The following ANXA8 variants were observed in gnomAD, a reference collection of about 807,000 sequenced individuals.
ANXA8 encodes the protein annexin A8, also known as VAC-beta.
Under a neutral mutation model 26.8 loss-of-function variants are expected in ANXA8, and 9 were observed. The observed-to-expected ratio is 0.34, with a 90% CI of 0.20 to 0.59. The LOEUF (loss-of-function observed/expected upper bound fraction) is 0.59. ANXA8 is among the 20% of genes least tolerant of loss of function. The pLI, the probability that ANXA8 is intolerant of heterozygous loss-of-function variation, is 0.84. For synonymous variants in ANXA8, 39 were observed against 94.8 expected (o/e 0.41, Z 3.42); for missense variants, 83 against 238.5 (o/e 0.35, Z 4.29).
At chr10:47,490,190 T>C in the ANXA8 span, 1 of 179,120 alleles carries the variant, frequency 5.6e-6, no homozygotes, top group Non-Finnish European at 1.2e-5. Flanking sequence ...AAAACGGAAT[T>C]CTCTGCCTAC....
chr10:47,743,359 T>TATATATACAC, the ANXA8 span, among the ~76,000 whole-genome samples: 76 of 40,532 alleles, frequency 1.9e-3, 5 homozygotes, highest in African/African-American at 4.1e-3. Context: ...TATATACACA[T>TATATATACAC]ATATATATAT....
the ANXA8 span, chr10:47,753,199 G>C: frequency 1.1e-6 from 1 of 925,474 alleles, no homozygotes; most frequent in Non-Finnish European, 1.3e-6. Context: ...ACAAAACAAC[G>C]TGTTGACGTG....
the ANXA8 span, among the ~76,000 whole-genome samples, chr10:47,673,289 A>G: frequency 2.0e-5 from 3 of 151,550 alleles, no homozygotes; most frequent in Non-Finnish European, 4.4e-5. Flanking sequence ...GTATAGGGCA[A>G]CCACCCTTAG....
At chr10:47,672,186 A>G in the ANXA8 span, among the ~76,000 whole-genome samples, 1 of 150,444 alleles carries the variant, frequency 6.6e-6, no homozygotes, top group East Asian at 1.9e-4. Flanking sequence ...ATAATTAGCA[A>G]GTAATGAATA....
the ANXA8 span, among the ~76,000 whole-genome samples, chr10:47,498,319 ATG>A: frequency 6.8e-6 from 1 of 146,316 alleles, no homozygotes; most frequent in Non-Finnish European, 1.5e-5. Flanking sequence ...ATGTTGTAGC[ATG>A]TGTTAGAATT....
the ANXA8 span, chr10:47,750,777 T>G: frequency 1.3e-5 from 2 of 151,168 alleles, no homozygotes; most frequent in East Asian, 3.9e-4. Context: ...ATGGCCATGC[T>G]CCCTCTAATA....
At chr10:47,958,838 GACTC>G in the ANXA8 span, among the ~76,000 whole-genome samples, 17 of 149,592 alleles carry the variant, frequency 1.1e-4, 2 homozygotes, top group Non-Finnish European at 7.4e-5. Flanking sequence ...GATCTCACGA[GACTC>G]ACTCACTATC....
the ANXA8 span, among the ~76,000 whole-genome samples, chr10:47,958,503 C>T: frequency 6.8e-6 from 1 of 147,238 alleles, no homozygotes. Context: ...GTCATCTCCA[C>T]CACTGGCTCC....
the ANXA8 span, among the ~76,000 whole-genome samples, chr10:47,683,223 ATTTT>A: frequency 2.0e-4 from 22 of 110,604 alleles, no homozygotes; most frequent in African/African-American, 6.4e-4. Flanking sequence ...GCATTTACTA[ATTTT>A]TTTTTTTTTT....
the ANXA8 span, among the ~76,000 whole-genome samples, chr10:47,969,599 G>C: frequency 6.8e-6 from 1 of 146,198 alleles, no homozygotes; most frequent in Admixed American, 6.9e-5. Context: ...TGTCACAGCA[G>C]GTGTGGCTTC....
the ANXA8 span, among the ~76,000 whole-genome samples, chr10:47,701,763 G>A: frequency 3.3e-5 from 5 of 151,674 alleles, no homozygotes; most frequent in Non-Finnish European, 7.4e-5. Flanking sequence ...AAGAAAGTGG[G>A]GAATGGGAAC....
chr10:47,617,851 CTG>C, the ANXA8 span, among the ~76,000 whole-genome samples: 1 of 141,788 alleles, frequency 7.1e-6, no homozygotes, highest in African/African-American at 2.8e-5. Flanking sequence ...CAATTGGACA[CTG>C]AGAGACTTAG....
the ANXA8 span, among the ~76,000 whole-genome samples, chr10:47,958,818 A>G: frequency 6.7e-6 from 1 of 149,438 alleles, no homozygotes; most frequent in Non-Finnish European, 1.5e-5. Flanking sequence ...GGGCACTTAT[A>G]AAGCCATCAG....
chr10:47,659,286 G>T, the ANXA8 span, among the ~76,000 whole-genome samples: 1 of 151,962 alleles, frequency 6.6e-6, no homozygotes, highest in Non-Finnish European at 1.5e-5. Context: ...TTTCAAGTAC[G>T]TTCTTCTTTC....
chr10:47,727,050 T>A, the ANXA8 span: 1 of 948,338 alleles, frequency 1.1e-6, no homozygotes, highest in East Asian at 2.5e-5. Flanking sequence ...AATTAAGAGC[T>A]TTTCTGTCCA....
the ANXA8 span, among the ~76,000 whole-genome samples, chr10:47,496,963 GGGGGA>G: frequency 2.1e-5 from 3 of 142,460 alleles, no homozygotes; most frequent in Admixed American, 7.1e-5. Flanking sequence ...CCCCCTCATA[GGGGGA>G]AAGATCTTAG....
the ANXA8 span, among the ~76,000 whole-genome samples, chr10:47,771,569 G>GTT: frequency 1.4e-5 from 2 of 138,954 alleles, no homozygotes; most frequent in Admixed American, 7.3e-5. Context: ...TCTATGGCAG[G>GTT]TTTTTTTTGT....
the ANXA8 span, among the ~76,000 whole-genome samples, chr10:47,700,327 A>AAT: frequency 6.6e-6 from 1 of 151,944 alleles, no homozygotes; most frequent in African/African-American, 2.4e-5. Context: ...GGAATAGAGT[A>AAT]AGAAGATTAG....
the ANXA8 span, among the ~76,000 whole-genome samples, chr10:47,980,257 T>C: frequency 6.6e-6 from 1 of 151,604 alleles, no homozygotes; most frequent in Non-Finnish European, 1.5e-5. Flanking sequence ...TATCAAAGTG[T>C]ATGGGATGCA....
Sources: allele counts gnomAD v4.1 joint callset (sites outside exome capture counted in the v4.1 genomes callset), GRCh38; gene constraint gnomAD v4.1.1; transcripts MANE v1.5; gene names NCBI Gene and HGNC (gene_info 2026-07-23, HGNC 2026-07-21).